Variants in ELP4 observed in about 807,000 individuals in gnomAD.
ELP4 encodes the protein elongator complex protein 4.
In ELP4, 51 loss-of-function variants were observed where a neutral mutation model predicts 48.9. That is an observed-to-expected ratio of 1.04 (90% CI 0.83 to 1.32). The LOEUF (loss-of-function observed/expected upper bound fraction) is 1.32. ELP4 is among the 40% of genes most tolerant of loss of function. ELP4 has a pLI of 0.00. For missense variants in ELP4, 519 were observed against 514.6 expected (o/e 1.01, Z -0.08); for synonymous variants, 210 against 189.2 (o/e 1.11, Z -0.90).
intron 9 of ELP4, among the ~76,000 whole-genome samples, chr11:31,669,192 A>G (rs1945752603): frequency 6.6e-6 from 1 of 151,570 alleles, no homozygotes. Context: ...TCTGCCTCCC[A>G]GGTTCAAGGG....
intron 5 of ELP4, among the ~76,000 whole-genome samples, chr11:31,613,693 G>T (rs1055014674): frequency 6.7e-6 from 1 of 148,722 alleles, no homozygotes; most frequent in Non-Finnish European, 1.5e-5. Context: ...TTATACGTTT[G>T]AATTTTTATG....
chr11:31,717,985 C>T (rs941207596), intron 9 of ELP4, among the ~76,000 whole-genome samples: 9 of 152,016 alleles, frequency 5.9e-5, no homozygotes, highest in Non-Finnish European at 1.0e-4. Context: ...TTAATGGACC[C>T]GGGGTCTCAC....
chr11:31,731,744 C>A (rs567853871), intron 9 of ELP4, among the ~76,000 whole-genome samples: 1 of 151,958 alleles, frequency 6.6e-6, no homozygotes, highest in Non-Finnish European at 1.5e-5. Flanking sequence ...CCAATGAAGT[C>A]AACACTAAGA....
chr11:31,719,002 T>A (rs1034899731), intron 9 of ELP4, among the ~76,000 whole-genome samples: 1 of 152,172 alleles, frequency 6.6e-6, no homozygotes, highest in African/African-American at 2.4e-5. Context: ...CTCACACCTG[T>A]AATCCTAGTA....
intron 9 of ELP4, among the ~76,000 whole-genome samples, chr11:31,686,888 T>A (rs1946173017): frequency 6.6e-6 from 1 of 150,462 alleles, no homozygotes; most frequent in African/African-American, 2.5e-5. Context: ...AAAATCACTC[T>A]GGCAGGAGTA....
chr11:31,734,656 A>C (rs1382267464), intron 9 of ELP4, among the ~76,000 whole-genome samples: 1 of 152,224 alleles, frequency 6.6e-6, no homozygotes, highest in Admixed American at 6.5e-5. Flanking sequence ...AACTTCACCA[A>C]GAAGGCAAAA....
chr11:31,666,004 C>CTTTTTTTTTT (rs35902758), intron 9 of ELP4, among the ~76,000 whole-genome samples: 4 of 85,342 alleles, frequency 4.7e-5, no homozygotes, highest in African/African-American at 1.0e-4. Context: ...GTTTCAAATT[C>CTTTTTTTTTT]TTTTTTTTTT....
intron 9 of ELP4, among the ~76,000 whole-genome samples, chr11:31,738,035 A>T (rs898723911): frequency 6.6e-6 from 1 of 152,238 alleles, no homozygotes; most frequent in East Asian, 1.9e-4. Context: ...GGTGAGAGGA[A>T]CCTGAATGTC....
At chr11:31,714,661 A>G (rs2134176625) in intron 9 of ELP4, 4 of 398,558 alleles carry the variant, frequency 1.0e-5, no homozygotes. Flanking sequence ...CAGCACAGCT[A>G]CGTTCCTCCT....
intron 9 of ELP4, among the ~76,000 whole-genome samples, chr11:31,686,519 T>C (rs1946165062): frequency 6.6e-6 from 1 of 152,162 alleles, no homozygotes; most frequent in African/African-American, 2.4e-5. Context: ...TTGGATTCTC[T>C]CCCATGGGTA....
chr11:31,715,049 A>G lies in ELP4; in HGVS notation c.1143+64828A>G, dbSNP rs77423148. On this transcript the variant is annotated intron_variant, in intron 9 of 9. Transcript: ENST00000640961. Reference sequence around the variant, plus strand: ...CACATTTCTTTCATTTTTACTCATCAGTAACCACTATGATAGTTCATAGAG... The same window carrying G: ...CACATTTCTTTCATTTTTACTCATCGGTAACCACTATGATAGTTCATAGAG... 1,272 of 364,898 alleles carry G rather than the reference A, an allele frequency of 3.5e-3. 40 individuals carry two copies. The East Asian group carries it at 0.047, about 13-fold the overall frequency. 22.6% of individuals were successfully genotyped at this position (364,898 alleles called of 1,614,324 possible).
At chr11:31,647,876 A>G in intron 8 of ELP4, 27 bp downstream of exon 8, 1 of 1,356,696 alleles carries the variant, frequency 7.4e-7, no homozygotes, top group Non-Finnish European at 1.1e-6. Flanking sequence ...TAATGAGAAG[A>G]GCAGGAGCAG....
chr11:31,598,189 C>G (rs940380650), intron 4 of ELP4, among the ~76,000 whole-genome samples: 13 of 151,482 alleles, frequency 8.6e-5, no homozygotes, highest in Admixed American at 7.2e-4. Flanking sequence ...CTCCTGACCT[C>G]GTGATCCGCC....
chr11:31,560,070 G>A (rs1255743868), intron 3 of ELP4, among the ~76,000 whole-genome samples: 3 of 151,872 alleles, frequency 2.0e-5, no homozygotes, highest in African/African-American at 4.8e-5. Flanking sequence ...TCATAAGCTG[G>A]GTTTATTCTG....
intron 3 of ELP4, among the ~76,000 whole-genome samples, chr11:31,593,345 T>C (rs1485105467): frequency 6.6e-6 from 1 of 151,970 alleles, no homozygotes; most frequent in Non-Finnish European, 1.5e-5. Flanking sequence ...CTCAACCTCC[T>C]GGGCTCAAGC....
At chr11:31,746,514 T>C (rs1947595320) in intron 9 of ELP4, among the ~76,000 whole-genome samples, 1 of 152,166 alleles carries the variant, frequency 6.6e-6, no homozygotes, top group South Asian at 2.1e-4. Flanking sequence ...ATAGACTGGA[T>C]GAAGAAAATG....
chr11:31,713,089 C>G (rs1306982940), intron 9 of ELP4, among the ~76,000 whole-genome samples: 3 of 152,160 alleles, frequency 2.0e-5, no homozygotes, highest in Non-Finnish European at 4.4e-5. Flanking sequence ...TGAGTTCAGT[C>G]AGTGCCAGTA....
chr11:31,596,456 G>A (rs564490134), intron 4 of ELP4, among the ~76,000 whole-genome samples: 4 of 152,136 alleles, frequency 2.6e-5, no homozygotes, highest in Non-Finnish European at 5.9e-5. Context: ...AATTGGTAGT[G>A]TAACTCTCTC....
At chr11:31,670,475 C>G (rs1244378320) in intron 9 of ELP4, among the ~76,000 whole-genome samples, 1 of 152,080 alleles carries the variant, frequency 6.6e-6, no homozygotes, top group Admixed American at 6.6e-5. Flanking sequence ...TCATCTTTTA[C>G]CATTCCTTTA....
Sources: allele counts gnomAD v4.1 joint callset (sites outside exome capture counted in the v4.1 genomes callset), GRCh38; gene constraint gnomAD v4.1.1; transcripts MANE v1.5; gene names NCBI Gene and HGNC (gene_info 2026-07-23, HGNC 2026-07-21).